MBNL1: variants seen among roughly 807,000 people sequenced by gnomAD.
MBNL1 encodes the protein muscleblind-like protein 1.
In MBNL1, 8 loss-of-function variants were observed where a neutral mutation model predicts 42.2. The ratio of observed to expected loss-of-function variants is 0.19; its 90% confidence interval spans 0.11 to 0.34. MBNL1 has a LOEUF of 0.34. Among genes scored for constraint, MBNL1 ranks in the 10% least tolerant of loss-of-function variants. MBNL1 has a pLI of 1.00. For synonymous variants in MBNL1, 169 were observed against 173.9 expected, an observed-to-expected ratio of 0.97 and a Z score of 0.22; for missense variants, 309 against 495.3, an observed-to-expected ratio of 0.62 and a Z score of 3.57.
chr3:152,256,424 C>T (rs895098454), intron 2 of MBNL1, among the ~76,000 whole-genome samples: 9 of 152,100 alleles, frequency 5.9e-5, no homozygotes, highest in Non-Finnish European at 1.3e-4. Flanking sequence ...TATATTTTAG[C>T]CTCCAGAGAC....
intron 2 of MBNL1, among the ~76,000 whole-genome samples, chr3:152,367,820 A>T (rs893200982): frequency 2.5e-4 from 38 of 151,994 alleles, no homozygotes; most frequent in East Asian, 1.4e-3. Context: ...GGCTGTGTAT[A>T]TGTCTTCTTT....
intron 2 of MBNL1, among the ~76,000 whole-genome samples, chr3:152,247,413 C>A (rs942319995): frequency 6.6e-6 from 1 of 151,592 alleles, no homozygotes; most frequent in African/African-American, 2.4e-5. Context: ...TACATGAGCT[C>A]TGTATGATAA....
chr3:152,321,029 CTTA>C (rs1335053516), intron 2 of MBNL1, among the ~76,000 whole-genome samples: 3 of 152,156 alleles, frequency 2.0e-5, no homozygotes, highest in Non-Finnish European at 2.9e-5. Context: ...GACTCTGCCA[CTTA>C]TTAACTTGCT....
intron 2 of MBNL1, chr3:152,340,482 CTT>C: frequency 6.6e-7 from 1 of 1,525,086 alleles, no homozygotes; most frequent in Non-Finnish European, 8.8e-7. Context: ...AATTTATAGA[CTT>C]ATTTCTCAGA....
intron 3 of MBNL1, 78 bp from the exon 4 acceptor site, chr3:152,432,639 A>T: frequency 1.6e-6 from 2 of 1,249,980 alleles, no homozygotes; most frequent in East Asian, 4.6e-5. Context: ...AGATGGATGG[A>T]GGACAAATGT....
chr3:152,458,377 A>G (rs772519880), intron 8 of MBNL1: 3 of 581,638 alleles, frequency 5.2e-6, no homozygotes, highest in Non-Finnish European at 6.1e-6. Flanking sequence ...CAGCAACAAA[A>G]TGCCTTTGTG....
intron 2 of MBNL1, among the ~76,000 whole-genome samples, chr3:152,408,470 G>C (rs1034422984): frequency 1.3e-5 from 2 of 152,032 alleles, no homozygotes; most frequent in African/African-American, 4.8e-5. Context: ...TATATCCTAA[G>C]TTTTGAATTT....
At chr3:152,310,003 G>GT in intron 2 of MBNL1, among the ~76,000 whole-genome samples, 1 of 152,248 alleles carries the variant, frequency 6.6e-6, no homozygotes, top group East Asian at 1.9e-4. Context: ...ATTTGCTCAG[G>GT]TAACACACAA....
rs775343069 is a variant in MBNL1, at chr3:152,445,246, T to C, written c.550-36T>C. ...TCTTCAGAAAGCTTCTTCTTCTTCA[T>C]GTTGACTAAACCTCATGTACTTAAT... On this transcript the variant is annotated intron_variant, in intron 4 of 9. Transcript: ENST00000324210. 26 of 1,567,912 alleles carry C rather than the reference T, an allele frequency of 1.7e-5. No individual in the cohort carries two copies. In the South Asian group the frequency reaches 2.3e-4, roughly 14 times the overall value.
chr3:152,283,927 C>G (rs954949187), intron 1 of MBNL1, among the ~76,000 whole-genome samples: 4 of 152,204 alleles, frequency 2.6e-5, no homozygotes, highest in African/African-American at 4.8e-5. Context: ...CTTGACCTCT[C>G]TCTTTAACTT....
At chr3:152,395,095 G>A (rs1035145098) in intron 2 of MBNL1, among the ~76,000 whole-genome samples, 8 of 152,094 alleles carry the variant, frequency 5.3e-5, no homozygotes, top group African/African-American at 1.2e-4. Flanking sequence ...CCCTGACCTC[G>A]TGATCCACCT....
At chr3:152,377,433 A>G in intron 2 of MBNL1, among the ~76,000 whole-genome samples, 1 of 152,246 alleles carries the variant, frequency 6.6e-6, no homozygotes, top group East Asian at 1.9e-4. Context: ...CTCGTCAGCC[A>G]TAGACCGTTA....
chr3:152,256,890 T>G (rs1412675890), intron 2 of MBNL1, among the ~76,000 whole-genome samples: 3 of 151,908 alleles, frequency 2.0e-5, no homozygotes, highest in Non-Finnish European at 4.4e-5. Flanking sequence ...GGACTGAGTG[T>G]GTACTAGAAG....
chr3:152,346,889 A>G (rs2094337890), intron 2 of MBNL1, among the ~76,000 whole-genome samples: 1 of 151,562 alleles, frequency 6.6e-6, no homozygotes, highest in Admixed American at 6.6e-5. Flanking sequence ...ATTAAAAAAA[A>G]AAAAAAAAAC....
chr3:152,376,851 G>T (rs1165152169), intron 2 of MBNL1, among the ~76,000 whole-genome samples: 1 of 152,098 alleles, frequency 6.6e-6, no homozygotes, highest in Non-Finnish European at 1.5e-5. Context: ...TCTTCTTGGG[G>T]AAAATGGGTC....
intron 2 of MBNL1, among the ~76,000 whole-genome samples, chr3:152,246,623 C>A (rs1171853326): frequency 6.6e-6 from 1 of 151,552 alleles, no homozygotes; most frequent in Non-Finnish European, 1.5e-5. Flanking sequence ...GGCTTCTGAG[C>A]TGTAGTATAT....
intron 2 of MBNL1, among the ~76,000 whole-genome samples, chr3:152,414,599 T>C (rs968997020): frequency 6.6e-6 from 1 of 152,220 alleles, no homozygotes; most frequent in African/African-American, 2.4e-5. Context: ...GAAGATATTA[T>C]GACAGAAGCC....
intron 2 of MBNL1, among the ~76,000 whole-genome samples, chr3:152,344,732 G>A (rs951913639): frequency 4.6e-5 from 7 of 152,252 alleles, no homozygotes; most frequent in African/African-American, 1.2e-4. Context: ...AATATTAAAT[G>A]TAGAGAGAAA....
chr3:152,341,849 G>A (rs2093305942), intron 2 of MBNL1, among the ~76,000 whole-genome samples: 1 of 151,866 alleles, frequency 6.6e-6, no homozygotes, highest in African/African-American at 2.4e-5. Flanking sequence ...GTACTTTAAG[G>A]GACTGTTTCA....
Sources: gnomAD v4.1 joint callset for allele counts (sites outside exome capture counted in the v4.1 genomes callset) on GRCh38, gnomAD v4.1.1 for gene constraint, MANE v1.5 for transcripts, NCBI Gene and HGNC (gene_info 2026-07-23, HGNC 2026-07-21) for gene names.